VRK3: variants seen among roughly 807,000 people sequenced by gnomAD.
VRK3 encodes VRK serine/threonine kinase 3, also known as serine/threonine-protein kinase VRK3.
A neutral mutation model predicts 60.4 loss-of-function variants in VRK3; 50 were observed. The ratio of observed to expected loss-of-function variants is 0.83; its 90% confidence interval spans 0.66 to 1.05. The LOEUF is 1.05. Ranked by LOEUF, VRK3 falls within the 50% of genes least tolerant of loss-of-function variation. The pLI, the probability that VRK3 is intolerant of heterozygous loss-of-function variation, is 0.00. For synonymous variants in VRK3, 246 were observed against 227.8 expected, an observed-to-expected ratio of 1.08 and a Z score of -0.72; for missense variants, 549 against 585.3, an observed-to-expected ratio of 0.94 and a Z score of 0.64.
chr19:49,992,976 T>C, intron 9 of VRK3, 24 bp from the exon 10 acceptor site: 1 of 1,602,946 alleles, frequency 6.2e-7, no homozygotes, highest in Non-Finnish European at 8.5e-7. Context: ...CAAGTCAGTG[T>C]CTGCATGAGC....
Position 49,976,802 on chromosome 19 carries a change from T to C in VRK3, c.*12-18A>G, listed in dbSNP as rs1384798545. On this transcript the variant is annotated intron_variant, in intron 14 of 14. Coordinates refer to ENST00000316763, the MANE Select transcript of VRK3 (RefSeq NM_016440.4). ...GGAAAGTTCTGGAAGACAATAAAAA[T>C]GCTGTTAGTGTCTCATTCATTCAAG... 1 of 152,220 alleles carries C rather than the reference T, an allele frequency of 6.6e-6. No individual in the cohort carries two copies. The highest frequency in any genetic ancestry group is 1.5e-5 in the Non-Finnish European group (1 of 68,048). 9.4% of individuals were successfully genotyped at this position (152,220 alleles called of 1,614,324 possible).
intron 7 of VRK3, 107 bp from the exon 8 acceptor site, chr19:49,995,382 T>A: frequency 1.0e-6 from 1 of 974,546 alleles, no homozygotes; most frequent in South Asian, 1.5e-5. Flanking sequence ...CGCCTCCAAG[T>A]CTCCTTGTTG....
intron 6 of VRK3, 61 bp from the exon 7 acceptor site, chr19:49,997,631 G>C: frequency 1.9e-6 from 3 of 1,582,730 alleles, no homozygotes; most frequent in Non-Finnish European, 2.6e-6. Flanking sequence ...AGGGCCCCCA[G>C]TCCCCACTGG....
chr19:50,002,434 G>C (rs1379913449), intron 5 of VRK3, among the ~76,000 whole-genome samples: 1 of 152,226 alleles, frequency 6.6e-6, no homozygotes, highest in Middle Eastern at 3.4e-3. Context: ...GATCATGCTG[G>C]AGCAGGCTGT....
At position 50,013,832 on chromosome 19, in the gene VRK3, T is replaced by C. The variant is rs533962360; in HGVS notation, c.139+2192A>G. On this transcript the variant is annotated intron_variant, in intron 3 of 14. Coordinates refer to ENST00000316763, the MANE Select transcript of VRK3 (RefSeq NM_016440.4). ...AGAAGAAGCAATCCAAGCAAAATAA[T>C]GTATTTAATAGGGTTGAGACAAGTA... Among the ~76,000 whole-genome samples, 322 of 152,280 alleles carry C rather than the reference T, an allele frequency of 2.1e-3. 1 individual carries two copies. The highest frequency in any genetic ancestry group is 7.1e-3 in the African/African-American group (295 of 41,562).
At chr19:49,995,058 A>T in intron 8 of VRK3, 133 bp downstream of exon 8, 1 of 1,275,196 alleles carries the variant, frequency 7.8e-7, no homozygotes. Context: ...TGGGCAGCAA[A>T]CTAGGTCAAA....
chr19:50,008,776 G>C (rs10500303), intron 4 of VRK3: 7,340 of 153,698 alleles, frequency 0.048, 217 homozygotes, highest in Middle Eastern at 0.11. Context: ...GCGAGCCTAT[G>C]GCACTCAAGA....
intron 12 of VRK3, chr19:49,981,793 GACACACAC>G: frequency 2.9e-6 from 3 of 1,026,310 alleles, no homozygotes; most frequent in Non-Finnish European, 3.5e-6. Flanking sequence ...CACACACACA[GACACACAC>G]ACACACACAC....
rs1400236422 is a variant in VRK3 at position 49,976,730 on chromosome 19, T to A, written c.*66A>T. The A allele has an allele frequency of 6.7e-6, 1 of 149,568 alleles. No homozygotes were observed. The highest frequency in any genetic ancestry group is 6.6e-5 in the Admixed American group (1 of 15,070). 9.3% of individuals were successfully genotyped at this position (149,568 alleles called of 1,614,324 possible). A position where few individuals can be genotyped will look rare whatever the true frequency, so the allele number is the denominator to read the frequency against. On this transcript the variant is annotated 3_prime_UTR_variant, in exon 15 of 15. Coordinates refer to ENST00000316763, the MANE Select transcript of VRK3 (RefSeq NM_016440.4). ...CTTATCTGTGATTAAACAGCAGGCCTTGAGTCACATTACTTCATTTTTTTT... is the reference window on the plus strand; with the variant it reads ...CTTATCTGTGATTAAACAGCAGGCCATGAGTCACATTACTTCATTTTTTTT...
chr19:49,981,149 A>T, intron 12 of VRK3, 136 bp from the exon 13 acceptor site: 1 of 818,974 alleles, frequency 1.2e-6, no homozygotes, highest in Non-Finnish European at 2.0e-6. Flanking sequence ...TTATGTTCTT[A>T]AAGTCACTGT....
chr19:50,013,717 G>C (rs535971703), intron 3 of VRK3, among the ~76,000 whole-genome samples: 1 of 152,316 alleles, frequency 6.6e-6, no homozygotes, highest in South Asian at 2.1e-4. Flanking sequence ...GCCAGGCACA[G>C]ACCCAGGTGC....
intron 12 of VRK3, among the ~76,000 whole-genome samples, chr19:49,987,391 C>A (rs2076534407): frequency 6.6e-6 from 1 of 152,184 alleles, no homozygotes; most frequent in Admixed American, 6.5e-5. Flanking sequence ...TTGTGCCCAG[C>A]TGCCTGCTGT....
intron 5 of VRK3, among the ~76,000 whole-genome samples, chr19:50,005,714 G>A (rs1033094919): frequency 6.7e-6 from 1 of 149,680 alleles, no homozygotes; most frequent in Non-Finnish European, 1.5e-5. Context: ...GCAGTGACGC[G>A]CCACAGCATG....
chr19:49,982,312 A>C (rs1042611587), intron 12 of VRK3: 5 of 677,508 alleles, frequency 7.4e-6, no homozygotes, highest in Non-Finnish European at 1.4e-5. Context: ...ACAGCCCTTC[A>C]GCATTATGCT....
At chr19:49,999,014 T>G (rs2076753418) in intron 6 of VRK3, 2 of 145,222 alleles carry the variant, frequency 1.4e-5, no homozygotes, top group Admixed American at 1.4e-4. Context: ...TCCCAGCTAC[T>G]TGGGAGGCTA....
chr19:49,995,281 G>C lies in VRK3; in HGVS notation c.680-6C>G, dbSNP rs752685480. On this transcript the variant is annotated splice_region_variant and splice_polypyrimidine_tract_variant and intron_variant, in intron 7 of 14. Transcript: ENST00000316763. ...CAGCTTCTTCCACTTGTTGACTGCG[G>C]AAAGCAGGGGCTTGAGGTTAGAACC... is the stretch of plus-strand genomic sequence containing the variant. 2.0e-5 allele frequency: 32 copies of C among 1,613,930 alleles called. No homozygotes were observed. Among genetic ancestry groups the C allele is most frequent in the Non-Finnish European group, 1.7e-6 (2 of 1,179,958 alleles).
At chr19:49,988,556 C>A in intron 11 of VRK3, 64 bp from the exon 12 acceptor site, 3 of 1,574,086 alleles carry the variant, frequency 1.9e-6, no homozygotes, top group Non-Finnish European at 2.6e-6. Flanking sequence ...GTGGGTCCAC[C>A]CCCCTTCCTT....
chr19:50,009,395 G>A lies in VRK3; in HGVS notation c.140-10C>T. The A allele has an allele frequency of 6.2e-7, 1 of 1,612,970 alleles. No homozygotes were observed. The highest frequency in any genetic ancestry group is 8.5e-7 in the Non-Finnish European group (1 of 1,179,628). ...AGCCCTCTCTTTGAGCCTAAAGAAAGGCAGACAAAATGCAGACTGGAGTTA... is the reference window on the plus strand; with the variant it reads ...AGCCCTCTCTTTGAGCCTAAAGAAAAGCAGACAAAATGCAGACTGGAGTTA... On this transcript the variant is annotated splice_polypyrimidine_tract_variant and intron_variant, in intron 3 of 14. Transcript: ENST00000316763.
intron 13 of VRK3, among the ~76,000 whole-genome samples, chr19:49,980,586 G>A (rs922556822): frequency 2.0e-5 from 3 of 151,912 alleles, no homozygotes; most frequent in Non-Finnish European, 4.4e-5. Flanking sequence ...GTATGGTGAC[G>A]CACGCCTATA....
Sources: gnomAD v4.1 joint callset for allele counts (sites outside exome capture counted in the v4.1 genomes callset) on GRCh38, gnomAD v4.1.1 for gene constraint, MANE v1.5 for transcripts, NCBI Gene and HGNC (gene_info 2026-07-23, HGNC 2026-07-21) for gene names.